The following ARVCF variants were observed in gnomAD, a reference collection of about 807,000 sequenced individuals.
ARVCF encodes splicing regulator ARVCF.
Under a neutral mutation model 90.9 loss-of-function variants are expected in ARVCF, and 66 were observed. That is an observed-to-expected ratio of 0.73 (90% CI 0.60 to 0.89). ARVCF has a LOEUF of 0.89. Among genes scored for constraint, ARVCF ranks in the 40% least tolerant of loss-of-function variants. ARVCF has a pLI of 0.00. For missense variants in ARVCF, 1,469 were observed against 1,382.3 expected (o/e 1.06, Z -1.00); for synonymous variants, 653 against 603.4 (o/e 1.08, Z -1.21).
chr22:19,991,761 T>C (rs1400729578), intron 2 of ARVCF, among the ~76,000 whole-genome samples: 1 of 152,154 alleles, frequency 6.6e-6, no homozygotes, highest in East Asian at 1.9e-4. Context: ...TTTTCATGGG[T>C]AAAAAGAAGC....
rs779011702 is a variant in ARVCF at position 19,981,569 on chromosome 22, G to T, written c.538C>A (p.Arg180=). The change falls in exon 5 of 20, where the codon CGA becomes AGA. Residue 180 remains arginine (R), a synonymous_variant. Coordinates refer to ENST00000263207, the MANE Select transcript of ARVCF (RefSeq NM_001670.3). ...RGGGPVATLS[R]AYLSSGGGFP... Reference sequence around the variant, plus strand: ...CCACCCCCACTGCTGAGGTAGGCTCGAGAGAGTGTGGCCACTGGGCCACCA... The same window carrying T: ...CCACCCCCACTGCTGAGGTAGGCTCTAGAGAGTGTGGCCACTGGGCCACCA... 6.2e-7 allele frequency: 1 copy of T among 1,604,262 alleles called. No homozygotes were observed.
At chr22:19,968,104 C>A (rs1299661433), downstream of ARVCF, among the ~76,000 whole-genome samples, 1 of 152,188 alleles carries the variant, frequency 6.6e-6, no homozygotes, top group Admixed American at 6.5e-5. Context: ...TGCAGGGTCA[C>A]CCTGGTCAGG....
Position 20,016,804 on chromosome 22 carries a change from C to T in ARVCF, c.-288G>A, listed in dbSNP as rs1392994579. The T allele has an allele frequency of 6.6e-6, 1 of 151,702 alleles. No homozygotes were observed. Among genetic ancestry groups the T allele is most frequent in the African/African-American group, 2.4e-5 (1 of 41,342 alleles). 9.4% of individuals were successfully genotyped at this position (151,702 alleles called of 1,614,324 possible). A position where few individuals can be genotyped will look rare whatever the true frequency, so the allele number is the denominator to read the frequency against. On this transcript the variant is annotated 5_prime_UTR_variant, in exon 1 of 20. Coordinates refer to ENST00000263207, the MANE Select transcript of ARVCF (RefSeq NM_001670.3). ...CCGAGACCCCGGGCCAGCCCTCCCGCCCTCACGCGGCCCGTGCGCAAAGCG... is the reference window on the plus strand; with the variant it reads ...CCGAGACCCCGGGCCAGCCCTCCCGTCCTCACGCGGCCCGTGCGCAAAGCG...
At chr22:19,994,901 C>A (rs767625476) in intron 2 of ARVCF, among the ~76,000 whole-genome samples, 1 of 86,038 alleles carries the variant, frequency 1.2e-5, no homozygotes, top group African/African-American at 4.9e-5. Context: ...GATGGATGAA[C>A]GTATGGATGG....
intron 3 of ARVCF, chr22:19,986,783 C>T (rs760637747): frequency 1.0e-4 from 39 of 375,520 alleles, no homozygotes; most frequent in Non-Finnish European, 1.6e-4. Context: ...CCGGTCCGGG[C>T]CGGTGCCAAG....
At position 19,973,173 on chromosome 22, in the gene ARVCF, C is replaced by T. The variant is rs1243379048; in HGVS notation, c.2384G>A (p.Arg795His). Residue 795 changes from arginine to histidine, a missense_variant, in exon 14 of 20, where the codon CGC (arginine) becomes CAC (histidine). By Grantham distance (29) the Arg-to-His change is conservative. Transcript: ENST00000263207. ...CACCCCGCGTGCCTGCAGGAGCGAG[C>T]GCGCGTTATCCAGGCTGTCGGACAC... is the stretch of plus-strand genomic sequence containing the variant. ...EIVSDSLDNA[R>H]SLLQARGVPA... 6.2e-7 allele frequency: 1 copy of T among 1,610,502 alleles called. No individual in the cohort carries two copies. The highest frequency in any genetic ancestry group is 8.5e-7 in the Non-Finnish European group (1 of 1,179,138).
chr22:19,990,448 C>T (rs1943982439), intron 3 of ARVCF, 137 bp downstream of exon 3: 1 of 1,102,274 alleles, frequency 9.1e-7, no homozygotes, highest in African/African-American at 1.6e-5. Flanking sequence ...AACCTGGGAT[C>T]CCATTTTCCT....
At chr22:20,006,308 T>C (rs1413246823) in intron 2 of ARVCF, among the ~76,000 whole-genome samples, 1 of 150,594 alleles carries the variant, frequency 6.6e-6, no homozygotes, top group Non-Finnish European at 1.5e-5. Context: ...CCAGGCGTGG[T>C]GGCTCACGCC....
chr22:20,015,995 T>A (rs1945094906), intron 1 of ARVCF, among the ~76,000 whole-genome samples: 1 of 152,148 alleles, frequency 6.6e-6, no homozygotes, highest in South Asian at 2.1e-4. Context: ...AGATGACATG[T>A]CTCCGCACCG....
chr22:19,966,185 T>G (rs939684402), downstream of ARVCF, among the ~76,000 whole-genome samples: 2 of 152,188 alleles, frequency 1.3e-5, no homozygotes, highest in Non-Finnish European at 2.9e-5. Flanking sequence ...GTGTCCTTGT[T>G]AAACGCACAT....
At chr22:19,981,074 C>G in intron 5 of ARVCF, 137 bp downstream of exon 5, 2 of 1,192,618 alleles carry the variant, frequency 1.7e-6, no homozygotes, top group Non-Finnish European at 2.3e-6. Context: ...CTGTCCCTGA[C>G]GAGAGCCAAG....
At position 19,981,256 on chromosome 22, in the gene ARVCF, G is replaced by A. The variant is rs528372866; in HGVS notation, c.851C>T (p.Thr284Met). 40 of 1,562,978 alleles carry A rather than the reference G, an allele frequency of 2.6e-5. No individual in the cohort carries two copies. The highest frequency in any genetic ancestry group is 1.7e-4 in the East Asian group (7 of 41,592). The change falls in exon 5 of 20, where the codon ACG (threonine) becomes ATG (methionine). Residue 284 changes from threonine (T) to methionine (M), a missense_variant. Physicochemically the swap from Thr to Met is moderately conservative, Grantham distance 81 (BLOSUM62 -1). Transcript: ENST00000263207. ...ACACTCAGGCCTCCTCCTTGTGGCC[G>A]TGCCATAGTCAGGCTCCAGCTCAGG... The part of the protein sequence containing the change: ...GGPELEPDYG[T>M]ATRRRPECGR...
At chr22:19,997,349 G>A (rs1196741100) in intron 2 of ARVCF, among the ~76,000 whole-genome samples, 1 of 152,232 alleles carries the variant, frequency 6.6e-6, no homozygotes, top group Non-Finnish European at 1.5e-5. Flanking sequence ...GGGAGCCACT[G>A]CTGGAGGTCC....
intron 2 of ARVCF, among the ~76,000 whole-genome samples, chr22:19,991,863 C>G (rs557022939): frequency 6.6e-6 from 1 of 152,252 alleles, no homozygotes; most frequent in Admixed American, 6.5e-5. Context: ...TGAGCATGGC[C>G]GGGTGCCCAG....
Position 19,970,654 on chromosome 22 carries a change from C to A in ARVCF, c.*102G>T. On this transcript the variant is annotated 3_prime_UTR_variant, in exon 20 of 20. Transcript: ENST00000263207. ...GCGAGGCGCTGCCAACCCCTGCCGC[C>A]AGGGGGCTCCAAGCTCCACGGCACG... 7.8e-7 allele frequency: 1 copy of A among 1,285,646 alleles called. No individual in the cohort carries two copies. Among genetic ancestry groups the A allele is most frequent in the Non-Finnish European group, 1.0e-6 (1 of 987,038 alleles). The allele number at this position is 1,285,646 out of a possible 1,614,324, so 79.6% of individuals were successfully genotyped here. A position where few individuals can be genotyped will look rare whatever the true frequency, so the allele number is the denominator to read the frequency against.
At chr22:20,013,540 T>TG (rs1208094033) in intron 1 of ARVCF, among the ~76,000 whole-genome samples, 1 of 152,254 alleles carries the variant, frequency 6.6e-6, no homozygotes, top group African/African-American at 2.4e-5. Context: ...GGTCCTGGTC[T>TG]GCCGCAGGAA....
At chr22:19,975,559 G>C (rs866787066) in intron 11 of ARVCF, 127 bp downstream of exon 11, 7 of 993,034 alleles carry the variant, frequency 7.0e-6, no homozygotes, top group Middle Eastern at 2.5e-4. Context: ...CCTGCACCTA[G>C]GGGCCTGTTT....
intron 2 of ARVCF, among the ~76,000 whole-genome samples, chr22:20,007,209 G>C (rs779597483): frequency 6.6e-6 from 1 of 152,042 alleles, no homozygotes; most frequent in Non-Finnish European, 1.5e-5. Context: ...CACCAGCCTG[G>C]ACATGGTGAA....
rs551823558 is a variant in ARVCF at position 19,980,222 on chromosome 22, T to A, written c.917A>T (p.Asp306Val). The change falls in exon 6 of 20, where the codon GAT becomes GTT. Residue 306 changes from aspartate to valine, a missense_variant. Coordinates refer to ENST00000263207, the MANE Select transcript of ARVCF (RefSeq NM_001670.3). The stretch of plus-strand genomic sequence containing the variant: ...CTCGTCCGCCAGCTCGCCGCCATCA[T>A]CTGCTGTGTCCTCGTAGGCCCTGCA... ...LHTRAYEDTA[D>V]DGGELADERP... is the part of the protein sequence containing the mutation. The A allele has an allele frequency of 7.8e-5, 120 of 1,539,004 alleles. No individual in the cohort carries two copies. The Admixed American group carries it at 2.2e-3, about 28-fold the overall frequency.
Sources: allele counts gnomAD v4.1 joint callset (sites outside exome capture counted in the v4.1 genomes callset), GRCh38; gene constraint gnomAD v4.1.1; transcripts MANE v1.5; gene names NCBI Gene and HGNC (gene_info 2026-07-23, HGNC 2026-07-21).